The following GRIP1 variants were observed in gnomAD, a reference collection of about 807,000 sequenced individuals.
The protein encoded by GRIP1 is glutamate receptor interacting protein 1.
GRIP1 carries 45 observed loss-of-function variants against 129.9 expected under a neutral mutation model. That is an observed-to-expected ratio of 0.35 (90% CI 0.27 to 0.44). The LOEUF is 0.44. GRIP1 is among the 20% of genes least tolerant of loss of function. The probability of loss-of-function intolerance (pLI) is 1.00; values close to 1 mark genes in which losing one functional copy is unlikely to be tolerated. For synonymous variants in GRIP1, 530 were observed against 520.8 expected, an observed-to-expected ratio of 1.02 and a Z score of -0.24; for missense variants, 1,196 against 1,396.8, an observed-to-expected ratio of 0.86 and a Z score of 2.29.
At chr12:66,730,239 C>G (rs2036390680) in intron 1 of GRIP1, among the ~76,000 whole-genome samples, 1 of 152,122 alleles carries the variant, frequency 6.6e-6, no homozygotes, top group Non-Finnish European at 1.5e-5. Flanking sequence ...TTAAAAAGCA[C>G]AAACATTTCC....
chr12:66,561,327 G>GTA, intron 2 of GRIP1, among the ~76,000 whole-genome samples: 1 of 152,210 alleles, frequency 6.6e-6, no homozygotes, highest in African/African-American at 2.4e-5. Flanking sequence ...AACTAAAAGA[G>GTA]TATAATTGGA....
rs367721816 is a variant in GRIP1 at position 66,401,375 on chromosome 12, C to T, written c.1984+4908G>A. Among the ~76,000 whole-genome samples, 13 of 151,642 alleles carry T rather than the reference C, an allele frequency of 8.6e-5. 1 individual carries two copies. The highest frequency in any genetic ancestry group is 4.2e-4 in the South Asian group (2 of 4,794). On this transcript the variant is annotated intron_variant, in intron 16 of 24. Transcript: ENST00000359742. ...GGCAGCTCACCTGAGGTCAGGAGTT[C>T]GAGACTAGCCTGCCCAACATGGCAA...
Position 66,709,448 on chromosome 12 carries a change from T to C in GRIP1, c.-419-79112A>G, listed in dbSNP as rs530715549. Among the ~76,000 whole-genome samples the C allele has an allele frequency of 7.9e-5, 12 of 152,098 alleles. No individual in the cohort carries two copies. The South Asian group carries it at 2.5e-3, about 32-fold the overall frequency. ...AACTCAAAGTTGTTTTTCATCCTTTTCGTGGCAAAACCTGATCTGAGCTGG... is the reference window on the plus strand; with the variant it reads ...AACTCAAAGTTGTTTTTCATCCTTTCCGTGGCAAAACCTGATCTGAGCTGG... On this transcript the variant is annotated intron_variant, in intron 1 of 4. Coordinates refer to the GRIP1 transcript ENST00000538373.
At chr12:66,505,783 A>T (rs1453286628) in intron 7 of GRIP1, among the ~76,000 whole-genome samples, 2 of 152,208 alleles carry the variant, frequency 1.3e-5, no homozygotes, top group Non-Finnish European at 2.9e-5. Context: ...AGTAGCCAGG[A>T]TGAGTTTGTA....
intron 1 of GRIP1, among the ~76,000 whole-genome samples, chr12:66,851,536 G>A (rs953508971): frequency 1.3e-5 from 2 of 152,050 alleles, no homozygotes; most frequent in Non-Finnish European, 2.9e-5. Flanking sequence ...GATTTTACCA[G>A]CTGGACCTTT....
chr12:66,914,627 CT>C, intron 1 of GRIP1, among the ~76,000 whole-genome samples: 1 of 152,266 alleles, frequency 6.6e-6, no homozygotes, highest in East Asian at 1.9e-4. Context: ...TTTGAGTCTA[CT>C]TTAAACTACA....
At chr12:66,709,900 T>G (rs184738496) in intron 1 of GRIP1, among the ~76,000 whole-genome samples, 8 of 152,082 alleles carry the variant, frequency 5.3e-5, no homozygotes, top group African/African-American at 1.7e-4. Context: ...ATTTAGGTAT[T>G]TTGTAGAATA....
intron 23 of GRIP1, among the ~76,000 whole-genome samples, chr12:66,367,671 A>G (rs1341018580): frequency 2.0e-5 from 3 of 152,242 alleles, no homozygotes; most frequent in African/African-American, 7.2e-5. Flanking sequence ...ATGTCAGTGT[A>G]TACTGTGCAG....
intron 8 of GRIP1, among the ~76,000 whole-genome samples, chr12:66,464,315 C>T (rs1649822275): frequency 6.6e-6 from 1 of 151,978 alleles, no homozygotes; most frequent in South Asian, 2.1e-4. Context: ...TTTTTATCTT[C>T]CCCTTTTACC....
chr12:66,483,472 G>A (rs2059863857), intron 7 of GRIP1, among the ~76,000 whole-genome samples: 1 of 152,094 alleles, frequency 6.6e-6, no homozygotes, highest in Admixed American at 6.6e-5. Flanking sequence ...TTATTGTATT[G>A]CAAGAAGAGT....
chr12:66,525,108 G>T (rs2061176629), intron 5 of GRIP1, among the ~76,000 whole-genome samples: 1 of 152,178 alleles, frequency 6.6e-6, no homozygotes, highest in Admixed American at 6.5e-5. Context: ...GCTACAAGGA[G>T]GAGCTGGTGC....
At chr12:66,994,443 TA>T (rs35992790) in intron 1 of GRIP1, among the ~76,000 whole-genome samples, 23,287 of 143,938 alleles carry the variant, frequency 0.16, 1,877 homozygotes, top group Admixed American at 0.19. Context: ...CCTTTTATGA[TA>T]AAAAAAAAAA....
At chr12:66,570,799 A>G (rs1184631700) in intron 2 of GRIP1, among the ~76,000 whole-genome samples, 2 of 152,130 alleles carry the variant, frequency 1.3e-5, no homozygotes, top group Non-Finnish European at 2.9e-5. Flanking sequence ...CTCAAATTGT[A>G]TAAACTTGAG....
intron 1 of GRIP1, among the ~76,000 whole-genome samples, chr12:66,642,023 T>A (rs1478946065): frequency 1.3e-5 from 2 of 152,160 alleles, no homozygotes; most frequent in African/African-American, 4.8e-5. Flanking sequence ...CAAGTTACAA[T>A]GTGAATTACA....
At chr12:66,715,787 C>T (rs1469544575) in intron 1 of GRIP1, among the ~76,000 whole-genome samples, 2 of 152,008 alleles carry the variant, frequency 1.3e-5, no homozygotes, top group African/African-American at 4.8e-5. Context: ...TTGATAAAGA[C>T]ATTTTAGATT....
upstream of GRIP1, among the ~76,000 whole-genome samples, chr12:66,807,112 C>A (rs182481908): frequency 2.2e-4 from 33 of 152,206 alleles, no homozygotes; most frequent in African/African-American, 7.0e-4. Context: ...AGACAGAAGA[C>A]TAGACACCGG....
intron 1 of GRIP1, among the ~76,000 whole-genome samples, chr12:66,976,457 G>A (rs1019472129): frequency 1.3e-5 from 2 of 152,208 alleles, no homozygotes; most frequent in South Asian, 2.1e-4. Flanking sequence ...TACTGTGTGT[G>A]TATTTACACC....
rs35306665 is a variant in GRIP1, at chr12:66,979,222, T to TAAAAAAAAAAAAAAAAAAAA, written c.58+89808_58+89827dup. Among the ~76,000 whole-genome samples, 7 of 41,456 alleles carry TAAAAAAAAAAAAAAAAAAAA rather than the reference T, an allele frequency of 1.7e-4. 1 individual carries two copies. Among genetic ancestry groups the TAAAAAAAAAAAAAAAAAAAA allele is most frequent in the African/African-American group, 4.5e-4 (6 of 13,318 alleles). 27.2% of individuals were successfully genotyped at this position (41,456 alleles called of 152,430 possible). ...CCCCAAGCCACAAAACTTCTCTTCTTAAAAAAAAAAAAAAAAAAAAAAAAA... is the reference window on the plus strand; with the variant it reads ...CCCCAAGCCACAAAACTTCTCTTCTTAAAAAAAAAAAAAAAAAAAAAAAAAAAAAAAAAAAAAAAAAAAAA... On this transcript the variant is annotated intron_variant, in intron 1 of 1. Coordinates refer to the GRIP1 transcript ENST00000643019.
At chr12:66,568,729 T>TA (rs1565870329) in intron 2 of GRIP1, 1 of 231,268 alleles carries the variant, frequency 4.3e-6, no homozygotes, top group African/African-American at 2.3e-5. Context: ...GGATTGTATT[T>TA]AGAGAAGCCA....
Sources: gnomAD v4.1 joint callset for allele counts (sites outside exome capture counted in the v4.1 genomes callset) on GRCh38, gnomAD v4.1.1 for gene constraint, MANE v1.5 for transcripts, NCBI Gene and HGNC (gene_info 2026-07-23, HGNC 2026-07-21) for gene names.